Variants in CSMD1 observed in about 807,000 individuals in gnomAD.
The protein encoded by CSMD1 is CUB and Sushi multiple domains 1, also known as CUB and sushi domain-containing protein 1.
In CSMD1, 213 loss-of-function variants were observed where a neutral mutation model predicts 417.5. The observed-to-expected ratio is 0.51, with a 90% CI of 0.46 to 0.57. The LOEUF is 0.57. Among genes scored for constraint, CSMD1 ranks in the 20% least tolerant of loss-of-function variants. The probability of loss-of-function intolerance (pLI) is 0.00; values close to 1 mark genes in which losing one functional copy is unlikely to be tolerated. For synonymous variants in CSMD1, 2,862 were observed against 1,736.8 expected, an observed-to-expected ratio of 1.65 and a Z score of -16.11; for missense variants, 6,923 against 4,529.7, an observed-to-expected ratio of 1.53 and a Z score of -15.17.
At chr8:3,031,144 C>A (rs958117626) in intron 50 of CSMD1, among the ~76,000 whole-genome samples, 2 of 151,940 alleles carry the variant, frequency 1.3e-5, no homozygotes, top group African/African-American at 4.8e-5. Flanking sequence ...CCCTTAAAGG[C>A]TTTTAGCCTC....
chr8:4,987,863 C>T (rs1426097033), intron 1 of CSMD1, among the ~76,000 whole-genome samples: 2 of 152,200 alleles, frequency 1.3e-5, no homozygotes, highest in African/African-American at 4.8e-5. Flanking sequence ...GAAAATCGGA[C>T]TCTAAGGTGT....
At chr8:3,189,878 T>C in intron 34 of CSMD1, 34 bp downstream of exon 34, 2 of 1,533,338 alleles carry the variant, frequency 1.3e-6, no homozygotes, top group Non-Finnish European at 1.8e-6. Context: ...CACCACAGAG[T>C]TCTGGCGGGC....
At chr8:4,069,409 T>G (rs542935212) in intron 3 of CSMD1, among the ~76,000 whole-genome samples, 2 of 152,352 alleles carry the variant, frequency 1.3e-5, no homozygotes, top group African/African-American at 4.8e-5. Context: ...TTTTCCGAGT[T>G]TTCCATGAGC....
chr8:3,706,426 T>TA (rs1400545169), intron 7 of CSMD1, among the ~76,000 whole-genome samples: 2 of 152,186 alleles, frequency 1.3e-5, no homozygotes, highest in Non-Finnish European at 2.9e-5. Flanking sequence ...TTGATTACCT[T>TA]CCTCATCTTA....
intron 5 of CSMD1, among the ~76,000 whole-genome samples, chr8:3,866,068 A>C (rs1805080561): frequency 6.6e-6 from 1 of 152,224 alleles, no homozygotes; most frequent in Non-Finnish European, 1.5e-5. Flanking sequence ...AAATGTCTTT[A>C]AAAATTCTAT....
At chr8:4,248,598 A>T (rs1585094357) in intron 3 of CSMD1, among the ~76,000 whole-genome samples, 1 of 152,174 alleles carries the variant, frequency 6.6e-6, no homozygotes, top group East Asian at 1.9e-4. Context: ...TCTGTGTTCA[A>T]ATATGAACTT....
intron 10 of CSMD1, among the ~76,000 whole-genome samples, chr8:3,507,598 T>C (rs1016348758): frequency 6.6e-5 from 10 of 152,196 alleles, no homozygotes; most frequent in East Asian, 1.9e-4. Context: ...CCACAATGGT[T>C]GAACTAGTTT....
chr8:3,270,105 A>C (rs571145117), intron 26 of CSMD1, among the ~76,000 whole-genome samples: 1 of 135,028 alleles, frequency 7.4e-6, no homozygotes, highest in Non-Finnish European at 1.5e-5. Flanking sequence ...GGCGAAGTAC[A>C]GTGGCACTGT....
intron 1 of CSMD1, among the ~76,000 whole-genome samples, chr8:4,796,327 C>T (rs767626994): frequency 2.6e-5 from 4 of 152,030 alleles, no homozygotes; most frequent in Admixed American, 6.6e-5. Flanking sequence ...AAGCGACCAA[C>T]GTGATGATCT....
At chr8:4,731,246 C>G (rs1809845677) in intron 1 of CSMD1, among the ~76,000 whole-genome samples, 1 of 152,170 alleles carries the variant, frequency 6.6e-6, no homozygotes, top group Admixed American at 6.5e-5. Flanking sequence ...ACACAAGATG[C>G]CCACCTCAAC....
At chr8:3,504,498 T>C (rs1334530367) in intron 10 of CSMD1, among the ~76,000 whole-genome samples, 1 of 152,204 alleles carries the variant, frequency 6.6e-6, no homozygotes. Flanking sequence ...TTCATTATTA[T>C]CCTCATGGCA....
At chr8:3,088,365 G>C (rs967179882) in intron 48 of CSMD1, among the ~76,000 whole-genome samples, 1 of 152,142 alleles carries the variant, frequency 6.6e-6, no homozygotes, top group Non-Finnish European at 1.5e-5. Context: ...CTTAAGAACT[G>C]GGAATTCTCA....
chr8:4,097,510 T>C (rs558942885), intron 3 of CSMD1, among the ~76,000 whole-genome samples: 1 of 152,328 alleles, frequency 6.6e-6, no homozygotes, highest in African/African-American at 2.4e-5. Flanking sequence ...TTGAATGTCT[T>C]GTTGCCCCTG....
rs149378408 is a variant in CSMD1, at chr8:3,377,553, C to T, written c.2783-8183G>A. The stretch of plus-strand genomic sequence containing the variant: ...ATTCCTGTACTGCAAAACCTATTGG[C>T]TCTTTTTGGTCTATTCCCACTCCGT... On this transcript the variant is annotated intron_variant, in intron 18 of 69. Transcript: ENST00000635120. 1.1e-3 allele frequency among the ~76,000 whole-genome samples: 166 copies of T among 152,242 alleles called. 1 individual carries two copies. The highest frequency in any genetic ancestry group is 3.9e-3 in the African/African-American group (160 of 41,550).
intron 8 of CSMD1, among the ~76,000 whole-genome samples, chr8:3,603,559 T>C (rs1267541781): frequency 3.9e-5 from 6 of 152,208 alleles, no homozygotes; most frequent in African/African-American, 1.4e-4. Flanking sequence ...AATAAGATCA[T>C]GTTTGAGTTT....
At chr8:3,502,208 T>A (rs1407879299) in intron 10 of CSMD1, among the ~76,000 whole-genome samples, 1 of 151,112 alleles carries the variant, frequency 6.6e-6, no homozygotes, top group African/African-American at 2.4e-5. Flanking sequence ...ACTAAAAATA[T>A]AAAAAAATTA....
At chr8:4,932,186 A>C (rs1019110448) in intron 1 of CSMD1, among the ~76,000 whole-genome samples, 2 of 152,214 alleles carry the variant, frequency 1.3e-5, no homozygotes, top group African/African-American at 4.8e-5. Context: ...TGCTATAATT[A>C]AAACTGTAAA....
chr8:4,192,352 C>A (rs1357301418), intron 3 of CSMD1, among the ~76,000 whole-genome samples: 1 of 152,126 alleles, frequency 6.6e-6, no homozygotes, highest in Non-Finnish European at 1.5e-5. Context: ...ATCAGCAGTT[C>A]TTGGATGTCT....
intron 2 of CSMD1, among the ~76,000 whole-genome samples, chr8:4,520,784 C>T (rs1172687721): frequency 6.6e-6 from 1 of 152,046 alleles, no homozygotes. Context: ...TAGATTATTG[C>T]AATGAAAATT....
Sources: gnomAD v4.1 joint callset for allele counts (sites outside exome capture counted in the v4.1 genomes callset) on GRCh38, gnomAD v4.1.1 for gene constraint, MANE v1.5 for transcripts, NCBI Gene and HGNC (gene_info 2026-07-23, HGNC 2026-07-21) for gene names.